Variants in DTL observed in about 807,000 individuals in gnomAD.
DTL encodes the protein denticleless E3 ubiquitin protein ligase adapter.
Under a neutral mutation model 87.0 loss-of-function variants are expected in DTL, and 46 were observed. The observed-to-expected ratio is 0.53, with a 90% CI of 0.42 to 0.68. DTL has a LOEUF of 0.68. Among genes scored for constraint, DTL ranks in the 30% least tolerant of loss-of-function variants. DTL has a pLI of 0.00. For synonymous variants in DTL, 308 were observed against 311.2 expected (o/e 0.99, Z 0.11); for missense variants, 737 against 869.4 (o/e 0.85, Z 1.91).
At chr1:212,057,937 C>T (rs1176404996) in intron 5 of DTL, among the ~76,000 whole-genome samples, 1 of 152,098 alleles carries the variant, frequency 6.6e-6, no homozygotes, top group Middle Eastern at 3.2e-3. Context: ...GCTATACTTA[C>T]ATCAGATAAA....
intron 13 of DTL, 76 bp downstream of exon 13, chr1:212,080,826 AT>A: frequency 6.8e-7 from 1 of 1,467,092 alleles, no homozygotes; most frequent in Non-Finnish European, 9.3e-7. Flanking sequence ...AATAAGCTAG[AT>A]TTGATCTTGC....
At chr1:212,059,496 C>G (rs1322622624) in intron 5 of DTL, among the ~76,000 whole-genome samples, 3 of 151,772 alleles carry the variant, frequency 2.0e-5, no homozygotes, top group African/African-American at 4.8e-5. Context: ...AAAACTCAAC[C>G]AACTAGGCAT....
In DTL at chr1:212,084,206, CT is replaced by C. The variant is rs112388208; in HGVS notation, c.1261+3469del. ...TTTTTTTAATTTCTTTTTTTCTTTT[CT>C]TTTTTTTTTTTTGAGACAAAGTCTC... is the stretch of plus-strand genomic sequence containing the variant. On this transcript the variant is annotated intron_variant, in intron 13 of 14. Transcript: ENST00000366991. 7.6e-3 allele frequency among the ~76,000 whole-genome samples: 371 copies of C among 48,648 alleles called. 4 individuals are homozygous for C. The highest frequency in any genetic ancestry group is 0.025 in the African/African-American group (291 of 11,694). 31.9% of individuals were successfully genotyped at this position (48,648 alleles called of 152,430 possible).
chr1:212,078,345 A>G, intron 12 of DTL, 83 bp downstream of exon 12: 4 of 856,768 alleles, frequency 4.7e-6, no homozygotes, highest in Non-Finnish European at 7.6e-6. Flanking sequence ...TGAGAATGAT[A>G]TAAATTTTTA....
intron 5 of DTL, chr1:212,051,478 T>TTTTTTTTTTTTTTTG: frequency 3.3e-6 from 1 of 302,896 alleles, no homozygotes. Flanking sequence ...TTTTTTTTTT[T>TTTTTTTTTTTTTTTG]TTTTTTTTAG....
chr1:212,070,006 G>A (rs1654624418), intron 10 of DTL, among the ~76,000 whole-genome samples: 1 of 152,302 alleles, frequency 6.6e-6, no homozygotes, highest in South Asian at 2.1e-4. Context: ...TTTAGAAAAG[G>A]GAAGAGGTGT....
At chr1:212,041,599 A>G (rs1667645487) in intron 1 of DTL, among the ~76,000 whole-genome samples, 2 of 151,830 alleles carry the variant, frequency 1.3e-5, no homozygotes, top group African/African-American at 4.8e-5. Context: ...TCCGCCTCCC[A>G]GGTTCACTCT....
intron 13 of DTL, among the ~76,000 whole-genome samples, chr1:212,088,822 C>T (rs1655201076): frequency 6.6e-6 from 1 of 152,192 alleles, no homozygotes; most frequent in East Asian, 1.9e-4. Flanking sequence ...CACGGTGGCT[C>T]ACGCCTGTAA....
chr1:212,063,040 C>T (rs1654379489), intron 6 of DTL, 91 bp downstream of exon 6: 2 of 951,836 alleles, frequency 2.1e-6, no homozygotes, highest in African/African-American at 3.2e-5. Context: ...CTGATTACCA[C>T]CAGGGGGCAT....
chr1:212,047,641 T>G lies in DTL; in HGVS notation c.460+224T>G, dbSNP rs368568373. On this transcript the variant is annotated intron_variant, in intron 5 of 14. Coordinates refer to ENST00000366991, the MANE Select transcript of DTL (RefSeq NM_016448.4). ...TCCGCTGCCTCCCAGGTTCAAGTGA[T>G]TCTCCTGCGTCAGCCTCCGGAGTAG... 3.2e-4 allele frequency among the ~76,000 whole-genome samples: 48 copies of G among 152,328 alleles called. 1 individual carries two copies. Among genetic ancestry groups the G allele is most frequent in the African/African-American group, 9.9e-4 (41 of 41,574 alleles).
intron 13 of DTL, among the ~76,000 whole-genome samples, chr1:212,094,769 G>A (rs188905388): frequency 2.1e-4 from 32 of 152,212 alleles, no homozygotes; most frequent in African/African-American, 6.7e-4. Context: ...TGTGTCATCT[G>A]ATTTCTTTTA....
At chr1:212,036,411 G>A (rs1667463668) in intron 1 of DTL, among the ~76,000 whole-genome samples, 1 of 152,074 alleles carries the variant, frequency 6.6e-6, no homozygotes. Context: ...GAGAAGACAG[G>A]ATATCTGCTT....
At chr1:212,085,391 T>A (rs2102572204) in intron 13 of DTL, among the ~76,000 whole-genome samples, 1 of 152,374 alleles carries the variant, frequency 6.6e-6, no homozygotes, top group South Asian at 2.1e-4. Context: ...ATTTTCCTGA[T>A]GGCCAGTGAT....
intron 13 of DTL, among the ~76,000 whole-genome samples, chr1:212,098,331 G>A (rs770203559): frequency 9.9e-5 from 15 of 152,188 alleles, no homozygotes; most frequent in Non-Finnish European, 1.5e-4. Flanking sequence ...TTGAATTGCT[G>A]TAATGGCTTG....
intron 5 of DTL, among the ~76,000 whole-genome samples, chr1:212,059,778 A>C (rs1231545515): frequency 1.5e-5 from 1 of 66,424 alleles, no homozygotes; most frequent in Non-Finnish European, 2.9e-5. Context: ...TAAAGACTCT[A>C]CAAAAAAAAA....
intron 5 of DTL, among the ~76,000 whole-genome samples, chr1:212,060,860 G>A (rs1298513363): frequency 6.6e-6 from 1 of 152,044 alleles, no homozygotes; most frequent in Non-Finnish European, 1.5e-5. Flanking sequence ...AGATTTTATG[G>A]CTGGCCAAGA....
Position 212,068,464 on chromosome 1 carries a change from T to A in DTL, c.818-135T>A, listed in dbSNP as rs1016025071. 47 of 833,496 alleles carry A rather than the reference T, an allele frequency of 5.6e-5. 1 individual carries two copies. Among genetic ancestry groups the A allele is most frequent in the Middle Eastern group, 2.3e-4 (1 of 4,298 alleles). 51.6% of individuals were successfully genotyped at this position (833,496 alleles called of 1,614,324 possible). A position where few individuals can be genotyped will look rare whatever the true frequency, so the allele number is the denominator to read the frequency against. ...AAGATAAAAACTCAGAAGAATGTTT[T>A]TGGTTTGTGTATATTTTGGGGACAA... is the stretch of plus-strand genomic sequence containing the variant. On this transcript the variant is annotated intron_variant, in intron 9 of 14. Transcript: ENST00000366991.
chr1:212,052,118 C>T, intron 5 of DTL: 1 of 690,622 alleles, frequency 1.4e-6, no homozygotes, highest in Non-Finnish European at 2.6e-6. Context: ...ACTATCATCT[C>T]TGCTTTCATT....
chr1:212,077,992 CAG>C (rs1427647410), intron 11 of DTL, among the ~76,000 whole-genome samples, 179 bp from the exon 12 acceptor site: 5 of 148,764 alleles, frequency 3.4e-5, no homozygotes, highest in African/African-American at 7.4e-5. Context: ...AGATTAGTAA[CAG>C]AAATATTTCA....
Sources: allele counts gnomAD v4.1 joint callset (sites outside exome capture counted in the v4.1 genomes callset), GRCh38; gene constraint gnomAD v4.1.1; transcripts MANE v1.5; gene names NCBI Gene and HGNC (gene_info 2026-07-23, HGNC 2026-07-21).